EXOC6B: variants seen among roughly 807,000 people sequenced by gnomAD.
EXOC6B encodes SEC15 homolog B.
EXOC6B carries 54 observed loss-of-function variants against 113.5 expected under a neutral mutation model. The ratio of observed to expected loss-of-function variants is 0.48; its 90% CI spans 0.38 to 0.60. The LOEUF (loss-of-function observed/expected upper bound fraction) is 0.60, where lower values mean the gene tolerates loss of function less well. Among genes scored for constraint, EXOC6B ranks in the 20% least tolerant of loss-of-function variants. EXOC6B has a pLI of 0.00. For missense variants in EXOC6B, 797 were observed against 977.5 expected, an observed-to-expected ratio of 0.82 and a Z score of 2.46; for synonymous variants, 357 against 339.0, an observed-to-expected ratio of 1.05 and a Z score of -0.58.
intron 19 of EXOC6B, among the ~76,000 whole-genome samples, chr2:72,358,071 G>C (rs1690076459): frequency 6.6e-6 from 1 of 152,076 alleles, no homozygotes; most frequent in South Asian, 2.1e-4. Context: ...GCATAGATAA[G>C]GGGTGACTAC....
At chr2:72,715,854 TG>T (rs1181459027) in intron 6 of EXOC6B, among the ~76,000 whole-genome samples, 1 of 152,120 alleles carries the variant, frequency 6.6e-6, no homozygotes, top group East Asian at 1.9e-4. Flanking sequence ...TGAGCATCCC[TG>T]GAAGATACTA....
chr2:72,196,894 GCTAT>G (rs1394293144), intron 20 of EXOC6B, among the ~76,000 whole-genome samples: 1 of 152,168 alleles, frequency 6.6e-6, no homozygotes, highest in Non-Finnish European at 1.5e-5. Context: ...TCACCAGCAT[GCTAT>G]CTGTCCTTGA....
chr2:72,696,099 T>C (rs931374702), intron 6 of EXOC6B, among the ~76,000 whole-genome samples: 3 of 152,214 alleles, frequency 2.0e-5, no homozygotes, highest in Admixed American at 6.5e-5. Context: ...TTACTCTCCA[T>C]ATGTCAGTCA....
intron 6 of EXOC6B, among the ~76,000 whole-genome samples, chr2:72,683,488 T>C (rs559551027): frequency 6.6e-6 from 1 of 152,152 alleles, no homozygotes; most frequent in Non-Finnish European, 1.5e-5. Context: ...CAAATATATA[T>C]ATATAGACAT....
intron 6 of EXOC6B, among the ~76,000 whole-genome samples, chr2:72,606,076 A>C (rs1048092201): frequency 6.6e-6 from 1 of 152,212 alleles, no homozygotes; most frequent in Non-Finnish European, 1.5e-5. Context: ...TCAGAGAGAC[A>C]GAACTAAATA....
At chr2:72,765,264 G>A (rs973437693) in intron 1 of EXOC6B, among the ~76,000 whole-genome samples, 1 of 151,982 alleles carries the variant, frequency 6.6e-6, no homozygotes, top group Non-Finnish European at 1.5e-5. Flanking sequence ...TCCAGCCAGG[G>A]CAACAGAGCA....
At chr2:72,312,501 C>T (rs1687257438) in intron 20 of EXOC6B, among the ~76,000 whole-genome samples, 3 of 151,732 alleles carry the variant, frequency 2.0e-5, no homozygotes, top group African/African-American at 7.3e-5. Context: ...TTTGCAAGCA[C>T]ACATAAAAAG....
chr2:72,542,820 G>A (rs1358572128), intron 8 of EXOC6B, among the ~76,000 whole-genome samples: 1 of 151,992 alleles, frequency 6.6e-6, no homozygotes, highest in Non-Finnish European at 1.5e-5. Flanking sequence ...GGTAATAAAG[G>A]GCATCTTGAG....
intron 20 of EXOC6B, among the ~76,000 whole-genome samples, chr2:72,247,936 G>C (rs1044026228): frequency 6.6e-6 from 1 of 152,138 alleles, no homozygotes; most frequent in Non-Finnish European, 1.5e-5. Flanking sequence ...TTATGGTGTA[G>C]GTAAAAGATG....
intron 11 of EXOC6B, among the ~76,000 whole-genome samples, chr2:72,504,181 T>C (rs1382783451): frequency 6.6e-6 from 1 of 152,220 alleles, no homozygotes; most frequent in African/African-American, 2.4e-5. Context: ...GTGCTGGCAT[T>C]ACAGGCATGA....
intron 20 of EXOC6B, among the ~76,000 whole-genome samples, chr2:72,292,906 G>A (rs951179842): frequency 1.3e-5 from 2 of 152,052 alleles, no homozygotes; most frequent in African/African-American, 4.8e-5. Flanking sequence ...TTGTACAGAT[G>A]GGCCACAGTT....
chr2:72,193,488 C>T (rs896220110), intron 20 of EXOC6B, among the ~76,000 whole-genome samples: 4 of 152,170 alleles, frequency 2.6e-5, no homozygotes, highest in African/African-American at 9.7e-5. Flanking sequence ...TTTCGACAAA[C>T]ATAAATTGAG....
At chr2:72,657,121 G>A (rs764623599) in intron 6 of EXOC6B, among the ~76,000 whole-genome samples, 6 of 151,986 alleles carry the variant, frequency 3.9e-5, no homozygotes, top group Non-Finnish European at 8.8e-5. Context: ...AAAGTGCTGG[G>A]ATTACAGGTG....
At chr2:72,231,573 C>T (rs976366262) in intron 20 of EXOC6B, among the ~76,000 whole-genome samples, 1 of 151,930 alleles carries the variant, frequency 6.6e-6, no homozygotes, top group African/African-American at 2.4e-5. Context: ...AAAATGTCTT[C>T]CTTTAGTAAA....
chr2:72,716,143 G>C (rs1191809553), intron 6 of EXOC6B, among the ~76,000 whole-genome samples: 1 of 152,140 alleles, frequency 6.6e-6, no homozygotes, highest in Non-Finnish European at 1.5e-5. Context: ...TGGCATCCAT[G>C]CCTGGCCCTT....
intron 6 of EXOC6B, among the ~76,000 whole-genome samples, chr2:72,664,001 C>G (rs1675208245): frequency 6.6e-6 from 1 of 152,002 alleles, no homozygotes; most frequent in South Asian, 2.1e-4. Flanking sequence ...TTCTGTAAAC[C>G]TAAAACCATC....
chr2:72,335,449 T>G (rs757508691), intron 19 of EXOC6B, among the ~76,000 whole-genome samples: 1 of 152,032 alleles, frequency 6.6e-6, no homozygotes, highest in Non-Finnish European at 1.5e-5. Context: ...ATTTCACGCT[T>G]GTCACCTCAT....
At chr2:72,806,384 G>A (rs987753188) in intron 1 of EXOC6B, among the ~76,000 whole-genome samples, 15 of 152,106 alleles carry the variant, frequency 9.9e-5, no homozygotes, top group African/African-American at 3.6e-4. Context: ...GCTGTACAGT[G>A]GTCCATGGTG....
At chr2:72,456,503 C>T (rs960219779) in intron 18 of EXOC6B, among the ~76,000 whole-genome samples, 2 of 152,106 alleles carry the variant, frequency 1.3e-5, no homozygotes, top group Non-Finnish European at 2.9e-5. Flanking sequence ...TCTTTATCCA[C>T]AGGGTTCACA....
Sources: allele counts gnomAD v4.1 joint callset (sites outside exome capture counted in the v4.1 genomes callset), GRCh38; gene constraint gnomAD v4.1.1; transcripts MANE v1.5; gene names NCBI Gene and HGNC (gene_info 2026-07-23, HGNC 2026-07-21).